The following ZNF724 variants were observed in gnomAD, a reference collection of about 807,000 sequenced individuals.
ZNF724 encodes zinc finger protein 724, also known as zinc finger protein 724 pseudogene.
A neutral mutation model predicts 29.3 loss-of-function variants in ZNF724; 14 were observed. That is an observed-to-expected ratio of 0.48 (90% CI 0.32 to 0.75). The LOEUF (loss-of-function observed/expected upper bound fraction) is 0.75. Ranked by LOEUF, ZNF724 falls within the 30% of genes least tolerant of loss-of-function variation. The probability of loss-of-function intolerance (pLI) is 0.04; values close to 1 mark genes in which losing one functional copy is unlikely to be tolerated. For synonymous variants in ZNF724, 180 were observed against 193.6 expected, an observed-to-expected ratio of 0.93 and a Z score of 0.58; for missense variants, 557 against 571.2, an observed-to-expected ratio of 0.98 and a Z score of 0.25.
chr19:23,223,099 A>G lies in ZNF724; in HGVS notation c.1146T>C (p.Thr382=), dbSNP rs550848671. 4 of 1,252,256 alleles carry G rather than the reference A, an allele frequency of 3.2e-6. No homozygotes were observed. The highest frequency in any genetic ancestry group is 1.9e-4 in the Middle Eastern group (1 of 5,364). 77.6% of individuals were successfully genotyped at this position (1,252,256 alleles called of 1,614,324 possible). A position where few individuals can be genotyped will look rare whatever the true frequency, so the allele number is the denominator to read the frequency against. The stretch of plus-strand genomic sequence containing the variant: ...CTCCAGTATGAATTCTCTTATGTTG[A>G]GTAAGAGTTGAGGACACGTTAAAGG... ...GKAFNVSSTL[T]QHKRIHTGEK... is the part of the protein sequence containing the mutation. The change falls in exon 4 of 4, where the codon ACT becomes ACC. Residue 382 remains threonine (T), a synonymous_variant. Coordinates refer to ENST00000418100, the MANE Select transcript of ZNF724 (RefSeq NM_001355404.2).
At chr19:23,235,154 A>C (rs1272021126) in intron 1 of ZNF724, among the ~76,000 whole-genome samples, 1 of 152,246 alleles carries the variant, frequency 6.6e-6, no homozygotes, top group Non-Finnish European at 1.5e-5. Context: ...TATGTTACAG[A>C]GCACTGTGCT....
chr19:23,244,742 T>C (rs367604462), intron 1 of ZNF724, among the ~76,000 whole-genome samples: 2 of 152,182 alleles, frequency 1.3e-5, no homozygotes, highest in Non-Finnish European at 2.9e-5. Context: ...TCTCAAAATA[T>C]TGTTCTTACT....
At chr19:23,243,901 C>T (rs1331982595) in intron 1 of ZNF724, among the ~76,000 whole-genome samples, 2 of 129,736 alleles carry the variant, frequency 1.5e-5, no homozygotes, top group Non-Finnish European at 1.6e-5. Flanking sequence ...CCAGCCTGGA[C>T]AACAAGAGTG....
intron 1 of ZNF724, 85 bp from the exon 2 acceptor site, chr19:23,232,378 G>A (rs1971951886): frequency 1.4e-6 from 1 of 732,498 alleles, no homozygotes; most frequent in African/African-American, 1.8e-5. Context: ...AGACTAAGGA[G>A]TACTCATTCT....
intron 1 of ZNF724, among the ~76,000 whole-genome samples, chr19:23,246,375 G>A (rs1309103831): frequency 6.6e-6 from 1 of 152,006 alleles, no homozygotes; most frequent in African/African-American, 2.4e-5. Context: ...ATTTAGCATC[G>A]GCCGGGCGCA....
intron 1 of ZNF724, among the ~76,000 whole-genome samples, chr19:23,235,972 G>T (rs1972016170): frequency 6.6e-6 from 1 of 152,026 alleles, no homozygotes; most frequent in African/African-American, 2.4e-5. Context: ...ACAAGTAAAA[G>T]AATTTATAGC....
intron 3 of ZNF724, among the ~76,000 whole-genome samples, chr19:23,224,328 G>T (rs1283299058): frequency 6.6e-6 from 1 of 152,000 alleles, no homozygotes; most frequent in Admixed American, 6.6e-5. Flanking sequence ...CAGAAGAATC[G>T]CTTGAACCTG....
intron 1 of ZNF724, among the ~76,000 whole-genome samples, chr19:23,242,254 G>A (rs923094875): frequency 6.6e-6 from 1 of 152,124 alleles, no homozygotes; most frequent in African/African-American, 2.4e-5. Flanking sequence ...ACTATTTGAT[G>A]GTCATGGACA....
intron 1 of ZNF724, among the ~76,000 whole-genome samples, chr19:23,238,138 G>A (rs1972053747): frequency 6.6e-6 from 1 of 152,110 alleles, no homozygotes; most frequent in African/African-American, 2.4e-5. Context: ...GGCCGAGGTG[G>A]GCGGATCACG....
intron 2 of ZNF724, 21 bp downstream of exon 2, chr19:23,232,146 G>C: frequency 7.8e-7 from 1 of 1,283,410 alleles, no homozygotes. Context: ...ATTAGGAATT[G>C]TGTATTGAAG....
chr19:23,236,674 A>G (rs1972025656), intron 1 of ZNF724: 1 of 152,182 alleles, frequency 6.6e-6, no homozygotes, highest in Non-Finnish European at 1.5e-5. Flanking sequence ...GTCTCTCTAA[A>G]CACCCAAACT....
chr19:23,232,266 T>C lies in ZNF724; in HGVS notation c.31A>G (p.Ile11Val), dbSNP rs1971949603. The change falls in exon 2 of 4, where the codon ATA becomes GTA. Residue 11 changes from isoleucine (I) to valine (V), a missense_variant. Physicochemically the swap from Ile to Val is conservative, Grantham distance 29. This residue lies in a region of ZNF724 where 25 missense variants were observed against 54.9 expected (regional missense o/e 0.46). Transcript: ENST00000418100. Reference protein sequence around the residue: MGPLTFMDVAIEFSVEEWQCL... With the variant: MGPLTFMDVAVEFSVEEWQCL... ...TGCCACTCCTCCACAGAGAATTCTA[T>C]GGCCACATCCATAAATGTCAATGGT... 3 of 1,269,404 alleles carry C rather than the reference T, an allele frequency of 2.4e-6. No homozygotes were observed. The highest frequency in any genetic ancestry group is 3.5e-6 in the Non-Finnish European group (3 of 866,292). 78.6% of individuals were successfully genotyped at this position (1,269,404 alleles called of 1,614,324 possible).
At chr19:23,238,729 C>A (rs1365972419) in intron 1 of ZNF724, among the ~76,000 whole-genome samples, 1 of 152,046 alleles carries the variant, frequency 6.6e-6, no homozygotes, top group Admixed American at 6.6e-5. Flanking sequence ...GCCATCATGG[C>A]GAAACCCTGT....
chr19:23,246,383 G>A (rs577238069), intron 1 of ZNF724, among the ~76,000 whole-genome samples: 6 of 152,206 alleles, frequency 3.9e-5, no homozygotes, highest in Non-Finnish European at 8.8e-5. Flanking sequence ...TCGGCCGGGC[G>A]CAGTGGATCA....
At chr19:23,247,270 G>T (rs1220329665) in intron 1 of ZNF724, among the ~76,000 whole-genome samples, 1 of 151,966 alleles carries the variant, frequency 6.6e-6, no homozygotes, top group Admixed American at 6.6e-5. Flanking sequence ...AACTCACAGT[G>T]GGGAAAAAAA....
At chr19:23,224,415 A>C (rs1971786862) in intron 3 of ZNF724, among the ~76,000 whole-genome samples, 2 of 152,138 alleles carry the variant, frequency 1.3e-5, no homozygotes, top group South Asian at 4.1e-4. Flanking sequence ...TTTGACTCAA[A>C]AAACAAACAA....
At chr19:23,237,407 G>A (rs748675805) in intron 1 of ZNF724, among the ~76,000 whole-genome samples, 23 of 151,860 alleles carry the variant, frequency 1.5e-4, no homozygotes, top group Non-Finnish European at 2.8e-4. Context: ...ATTTTGTAGT[G>A]AATTTTTTTG....
chr19:23,229,754 A>C (rs1436721226), intron 3 of ZNF724, among the ~76,000 whole-genome samples: 1 of 152,220 alleles, frequency 6.6e-6, no homozygotes, highest in Non-Finnish European at 1.5e-5. Flanking sequence ...GGTGCCCAAC[A>C]AAAGATCTTT....
In ZNF724 at chr19:23,222,127, CCA is replaced by C. The variant is rs1971726799; in HGVS notation, c.*256_*257del. 2 of 393,022 alleles carry C rather than the reference CCA, an allele frequency of 5.1e-6. No homozygotes were observed. Among genetic ancestry groups the C allele is most frequent in the Non-Finnish European group, 9.0e-6 (2 of 221,574 alleles). 24.3% of individuals were successfully genotyped at this position (393,022 alleles called of 1,614,324 possible). The stretch of plus-strand genomic sequence containing the variant: ...GTGTCAGCATTGGTTAAAAGTTTTG[CCA>C]CATTCTTCACACTTGTAGAGGTTTC... On this transcript the variant is annotated 3_prime_UTR_variant, in exon 4 of 4. Transcript: ENST00000418100.
Sources: allele counts gnomAD v4.1 joint callset (sites outside exome capture counted in the v4.1 genomes callset), GRCh38; gene constraint gnomAD v4.1.1; regional missense constraint gnomAD v4.1.1; transcripts MANE v1.5; gene names NCBI Gene and HGNC (gene_info 2026-07-23, HGNC 2026-07-21).